The following TICAM2 variants were observed in gnomAD, a reference collection of about 807,000 sequenced individuals.
The protein encoded by TICAM2 is TIR domain containing adaptor molecule 2, also known as TIR domain-containing adapter molecule 2.
A neutral mutation model predicts 7.3 loss-of-function variants in TICAM2; 8 were observed. The ratio of observed to expected loss-of-function variants is 1.10; its 90% CI spans 0.65 to 1.99. TICAM2 has a LOEUF of 1.99. Among genes scored for constraint, TICAM2 ranks in the 30% most tolerant of loss-of-function variants. The probability of loss-of-function intolerance (pLI) is 0.00; values close to 1 mark genes in which losing one functional copy is unlikely to be tolerated. For synonymous variants in TICAM2, 113 were observed against 99.6 expected (o/e 1.13, Z -0.80); for missense variants, 304 against 278.8 (o/e 1.09, Z -0.65).
At chr5:115,584,237 CA>C (rs950360847) in intron 1 of TICAM2, among the ~76,000 whole-genome samples, 1 of 151,956 alleles carries the variant, frequency 6.6e-6, no homozygotes, top group African/African-American at 2.4e-5. Context: ...CTTTCCTTTT[CA>C]AAAAAAGTAT....
rs142920541 is a variant in TICAM2, at chr5:115,587,087, G to C, written c.-59-5772C>G. Among the ~76,000 whole-genome samples the C allele has an allele frequency of 3.8e-3, 585 of 152,268 alleles. 4 individuals carry two copies. Among genetic ancestry groups the C allele is most frequent in the African/African-American group, 0.014 (571 of 41,532 alleles). ...TTTGCACCGGACATTTATGGCTCAA[G>C]TCCATGAAGGAGGAGGCAGAAGAGG... On this transcript the variant is annotated intron_variant, in intron 1 of 1. Coordinates refer to ENST00000427199, the MANE Select transcript of TICAM2 (RefSeq NM_021649.7).
rs1754824638 is a variant in TICAM2, at chr5:115,579,102, A to G, written c.*1447T>C. On this transcript the variant is annotated 3_prime_UTR_variant, in exon 2 of 2. Coordinates refer to ENST00000427199, the MANE Select transcript of TICAM2 (RefSeq NM_021649.7). Reference sequence around the variant, plus strand: ...AATTTATTTTTAAGAAAGCCTGAGTAAGCATGTATATTTTTTTCCTGTGAC... The same window carrying G: ...AATTTATTTTTAAGAAAGCCTGAGTGAGCATGTATATTTTTTTCCTGTGAC... 1 of 152,678 alleles carries G rather than the reference A, an allele frequency of 6.5e-6. No individual in the cohort carries two copies. The highest frequency in any genetic ancestry group is 6.5e-5 in the Admixed American group (1 of 15,284). The allele number at this position is 152,678 out of a possible 1,614,324, so 9.5% of individuals were successfully genotyped here.
intron 1 of TICAM2, among the ~76,000 whole-genome samples, chr5:115,587,553 A>C (rs528805953): frequency 1.5e-3 from 233 of 152,334 alleles, no homozygotes; most frequent in African/African-American, 5.1e-3. Context: ...GCAGAGCCCC[A>C]AACAGATGAA....
At chr5:115,590,918 CTTCTCAGTCTCCTTT>C (rs1333830859) in intron 1 of TICAM2, among the ~76,000 whole-genome samples, 1 of 152,208 alleles carries the variant, frequency 6.6e-6, no homozygotes, top group African/African-American at 2.4e-5. Context: ...TCATCTCCTC[CTTCTCAGTCTCCTTT>C]ACTAAATGCT....
intron 1 of TICAM2, among the ~76,000 whole-genome samples, chr5:115,589,047 G>C (rs75655933): frequency 1.7e-4 from 26 of 152,328 alleles, no homozygotes; most frequent in African/African-American, 6.3e-4. Flanking sequence ...ACTAAACTGT[G>C]ATTGATACAA....
intron 1 of TICAM2, among the ~76,000 whole-genome samples, chr5:115,584,104 T>G (rs1755022084): frequency 6.6e-6 from 1 of 152,244 alleles, no homozygotes; most frequent in African/African-American, 2.4e-5. Context: ...TGACCACTTT[T>G]ATCAGTTTCT....
Position 115,580,624 on chromosome 5 carries a change from C to T in TICAM2, c.633G>A (p.Gln211=). The change falls in exon 2 of 2, where the codon CAG becomes CAA. Residue 211 remains glutamine, a synonymous_variant. Transcript: ENST00000427199. The part of the protein sequence containing the change: ...GFPTQVERIF[Q]ESVYKTQQTI... ...TTTGTTGTGTCTTATACACAGACTC[C>T]TGAAAAATTCTTTCTACTTGTGTAG... 1 of 1,590,768 alleles carries T rather than the reference C, an allele frequency of 6.3e-7. No homozygotes were observed. The highest frequency in any genetic ancestry group is 8.5e-7 in the Non-Finnish European group (1 of 1,172,472).
chr5:115,584,059 C>T (rs1422986293), intron 1 of TICAM2, among the ~76,000 whole-genome samples: 1 of 152,124 alleles, frequency 6.6e-6, no homozygotes, highest in Non-Finnish European at 1.5e-5. Flanking sequence ...GTGTCTCCAT[C>T]CATCCTGTTA....
intron 1 of TICAM2, among the ~76,000 whole-genome samples, chr5:115,597,802 G>A (rs752520525): frequency 1.9e-4 from 29 of 152,074 alleles, no homozygotes; most frequent in African/African-American, 3.1e-4. Context: ...TCAGCCCTCC[G>A]TATGTGTGGG....
At chr5:115,586,379 T>C (rs865995718) in intron 1 of TICAM2, among the ~76,000 whole-genome samples, 3 of 138,332 alleles carry the variant, frequency 2.2e-5, no homozygotes, top group South Asian at 2.2e-4. Context: ...ATGCAATTCA[T>C]AAATCATTAA....
intron 1 of TICAM2, among the ~76,000 whole-genome samples, chr5:115,597,352 T>C (rs748782466): frequency 6.6e-6 from 1 of 152,248 alleles, no homozygotes; most frequent in Non-Finnish European, 1.5e-5. Flanking sequence ...TATATGACTA[T>C]ATTTTATTAT....
intron 1 of TICAM2, among the ~76,000 whole-genome samples, chr5:115,598,072 T>C (rs1755580678): frequency 6.6e-6 from 1 of 152,192 alleles, no homozygotes; most frequent in Admixed American, 6.5e-5. Context: ...TTTTGAACAA[T>C]GATCACACAG....
intron 1 of TICAM2, among the ~76,000 whole-genome samples, chr5:115,600,473 C>T (rs1190519299): frequency 1.3e-5 from 2 of 151,986 alleles, no homozygotes; most frequent in African/African-American, 4.8e-5. Flanking sequence ...AAGAAATGAA[C>T]TCTGTGGCAT....
intron 1 of TICAM2, among the ~76,000 whole-genome samples, chr5:115,591,731 G>A (rs1165863527): frequency 6.6e-6 from 1 of 151,966 alleles, no homozygotes; most frequent in Admixed American, 6.6e-5. Flanking sequence ...CAGAATAAGG[G>A]AGAGAAACAA....
rs776163216 is a variant in TICAM2 at position 115,580,963 on chromosome 5, ATT to A, written c.292_293del (p.Asn98SerfsTer5). On this transcript the variant is annotated frameshift_variant, in exon 2 of 2. Coordinates refer to ENST00000427199, the MANE Select transcript of TICAM2 (RefSeq NM_021649.7). LOFTEE classifies it high-confidence loss of function. ...TGATACCAAAGTCATCTTGTAGCAG[ATT>A]CTGGACTCTGAGGGCTTCATCTGTG... ...DDTDEALRVQ[N>X]LLQDDFGIKP... 507 of 1,613,636 alleles carry A rather than the reference ATT, an allele frequency of 3.1e-4. No homozygotes were observed. Among genetic ancestry groups the A allele is most frequent in the Non-Finnish European group, 3.9e-4 (461 of 1,179,778 alleles).
chr5:115,584,858 C>T (rs1755047849), intron 1 of TICAM2, among the ~76,000 whole-genome samples: 3 of 151,946 alleles, frequency 2.0e-5, no homozygotes, highest in Admixed American at 2.0e-4. Flanking sequence ...CACTTCATAT[C>T]TATGCAAAAG....
At chr5:115,582,663 A>G (rs1754970731) in intron 1 of TICAM2, among the ~76,000 whole-genome samples, 1 of 152,210 alleles carries the variant, frequency 6.6e-6, no homozygotes. Flanking sequence ...AACATTTAGA[A>G]TATATAAATA....
intron 1 of TICAM2, among the ~76,000 whole-genome samples, chr5:115,593,256 A>G (rs1408721739): frequency 6.6e-6 from 1 of 152,208 alleles, no homozygotes; most frequent in Non-Finnish European, 1.5e-5. Context: ...ACTGGAAATA[A>G]AAGAGTCTTC....
intron 1 of TICAM2, among the ~76,000 whole-genome samples, chr5:115,599,121 G>A (rs1001197516): frequency 2.7e-5 from 4 of 150,748 alleles, no homozygotes; most frequent in African/African-American, 9.7e-5. Flanking sequence ...TCACAACTCT[G>A]ACATTGGCTT....
Sources: gnomAD v4.1 joint callset for allele counts (sites outside exome capture counted in the v4.1 genomes callset) on GRCh38, gnomAD v4.1.1 for gene constraint, MANE v1.5 for transcripts, NCBI Gene and HGNC (gene_info 2026-07-23, HGNC 2026-07-21) for gene names.